EYS: variants seen among roughly 807,000 people sequenced by gnomAD.
EYS encodes EGF-like photoreceptor maintenance factor.
EYS carries 250 observed loss-of-function variants against 282.1 expected under a neutral mutation model. The observed-to-expected ratio is 0.89, with a 90% CI of 0.80 to 0.98. The LOEUF is 0.98. Among genes scored for constraint, EYS ranks in the 50% least tolerant of loss-of-function variants. The pLI is 0.00. For synonymous variants in EYS, 1,355 were observed against 1,282.9 expected, an observed-to-expected ratio of 1.06 and a Z score of -1.20; for missense variants, 4,016 against 3,709.0, an observed-to-expected ratio of 1.08 and a Z score of -2.15.
chr6:65,544,017 T>TGTGTGTGC lies in EYS; in HGVS notation c.-332-48025_-332-48024insGCACACAC, dbSNP rs1416458586. ...AAAAGAGAAAGTGTGTGTGTGTGTGTGTGTGTGTGTGTGAGAGAGAGAGAG... is the reference window on the plus strand; with the variant it reads ...AAAAGAGAAAGTGTGTGTGTGTGTGTGTGTGTGCGTGTGTGTGTGTGAGAGAGAGAGAG... On this transcript the variant is annotated intron_variant, in intron 2 of 42. Transcript: ENST00000503581. Among the ~76,000 whole-genome samples the TGTGTGTGC allele has an allele frequency of 2.6e-4, 35 of 135,686 alleles. No homozygotes were observed. The South Asian group carries it at 7.6e-3, about 29-fold the overall frequency. The allele number at this position is 135,686 out of a possible 152,430, so 89.0% of individuals were successfully genotyped here. A position where few individuals can be genotyped will look rare whatever the true frequency, so the allele number is the denominator to read the frequency against.
At chr6:65,093,362 G>GA (rs1337835353) in intron 12 of EYS, among the ~76,000 whole-genome samples, 17 of 151,938 alleles carry the variant, frequency 1.1e-4, no homozygotes, top group African/African-American at 3.9e-4. Flanking sequence ...TAAATACATA[G>GA]AAAAAACAAG....
intron 12 of EYS, among the ~76,000 whole-genome samples, chr6:65,223,836 T>G (rs963726746): frequency 6.6e-6 from 1 of 152,124 alleles, no homozygotes; most frequent in Non-Finnish European, 1.5e-5. Flanking sequence ...GTGGTACCAG[T>G]TGGTCCACCA....
intron 26 of EYS, among the ~76,000 whole-genome samples, chr6:64,451,496 C>T (rs988157314): frequency 6.6e-6 from 1 of 152,162 alleles, no homozygotes; most frequent in African/African-American, 2.4e-5. Context: ...GGAATCCTCC[C>T]TAACTCATTT....
At chr6:65,134,531 G>T (rs1438625449) in intron 12 of EYS, among the ~76,000 whole-genome samples, 1 of 152,054 alleles carries the variant, frequency 6.6e-6, no homozygotes, top group African/African-American at 2.4e-5. Context: ...TCACTTATAA[G>T]GGGAAGCCAA....
chr6:65,217,427 A>G (rs1250421756), intron 12 of EYS, among the ~76,000 whole-genome samples: 2 of 151,826 alleles, frequency 1.3e-5, no homozygotes, highest in Admixed American at 6.6e-5. Flanking sequence ...ATAAGGTATT[A>G]AACAATGAGA....
At chr6:64,656,999 C>A (rs937571164) in intron 22 of EYS, among the ~76,000 whole-genome samples, 1 of 152,102 alleles carries the variant, frequency 6.6e-6, no homozygotes, top group Non-Finnish European at 1.5e-5. Context: ...AAGTCTCTTT[C>A]TAGGTCTCTA....
At chr6:65,023,556 GAAGA>G (rs1366432799) in intron 13 of EYS, among the ~76,000 whole-genome samples, 1 of 152,178 alleles carries the variant, frequency 6.6e-6, no homozygotes, top group East Asian at 1.9e-4. Flanking sequence ...AAAAATGGGA[GAAGA>G]AAGAGGAAAA....
At chr6:64,871,179 C>A (rs1766584557) in intron 19 of EYS, among the ~76,000 whole-genome samples, 1 of 151,830 alleles carries the variant, frequency 6.6e-6, no homozygotes, top group African/African-American at 2.4e-5. Context: ...ATATAGACAT[C>A]TAATAAATAT....
intron 13 of EYS, among the ~76,000 whole-genome samples, chr6:65,015,542 TCTA>T (rs1235164611): frequency 6.6e-6 from 1 of 152,194 alleles, no homozygotes; most frequent in African/African-American, 2.4e-5. Context: ...CTTAGTTGTA[TCTA>T]AAAATATATA....
chr6:65,571,938 GA>G (rs1764490513), intron 2 of EYS, among the ~76,000 whole-genome samples: 1 of 151,856 alleles, frequency 6.6e-6, no homozygotes, highest in African/African-American at 2.4e-5. Context: ...TGTAAAACTT[GA>G]AAAGATGTAA....
At chr6:65,045,647 T>C (rs1773078957) in intron 13 of EYS, among the ~76,000 whole-genome samples, 1 of 151,850 alleles carries the variant, frequency 6.6e-6, no homozygotes, top group Admixed American at 6.6e-5. Flanking sequence ...CAAAACTGTT[T>C]GTGCCTTGAT....
intron 22 of EYS, among the ~76,000 whole-genome samples, chr6:64,642,974 G>T (rs558878653): frequency 1.3e-5 from 2 of 152,286 alleles, no homozygotes; most frequent in South Asian, 4.1e-4. Flanking sequence ...AATTAGCTGG[G>T]CGTGGTGGCA....
At position 64,822,640 on chromosome 6, in the gene EYS, A is replaced by C; in HGVS notation, c.3164+11T>G. 1 of 1,515,160 alleles carries C rather than the reference A, an allele frequency of 6.6e-7. No individual in the cohort carries two copies. 93.9% of individuals were successfully genotyped at this position (1,515,160 alleles called of 1,614,324 possible). A position where few individuals can be genotyped will look rare whatever the true frequency, so the allele number is the denominator to read the frequency against. On this transcript the variant is annotated intron_variant, in intron 20 of 42. Coordinates refer to ENST00000503581, the MANE Select transcript of EYS (RefSeq NM_001142800.2). The stretch of plus-strand genomic sequence containing the variant: ...TACTTTCATAAAGCTAATAATAAAA[A>C]AAATAGCTACCTTCCATGTAGACAA...
chr6:64,604,979 A>G (rs1218164596), intron 24 of EYS, among the ~76,000 whole-genome samples: 1 of 152,074 alleles, frequency 6.6e-6, no homozygotes, highest in Non-Finnish European at 1.5e-5. Flanking sequence ...TGCCAGAGTT[A>G]TCTTTCAAAA....
At chr6:64,523,871 T>G (rs894639521) in intron 26 of EYS, among the ~76,000 whole-genome samples, 7 of 151,838 alleles carry the variant, frequency 4.6e-5, no homozygotes, top group African/African-American at 1.2e-4. Context: ...AACCATCCAT[T>G]TAAAAAGTTT....
intron 18 of EYS, among the ~76,000 whole-genome samples, chr6:64,894,930 T>C (rs1242272099): frequency 6.6e-6 from 1 of 152,148 alleles, no homozygotes; most frequent in African/African-American, 2.4e-5. Flanking sequence ...TATTTAGTAA[T>C]AGGACAATTT....
At chr6:65,581,463 C>G (rs1285417286) in intron 2 of EYS, among the ~76,000 whole-genome samples, 1 of 151,966 alleles carries the variant, frequency 6.6e-6, no homozygotes, top group African/African-American at 2.4e-5. Flanking sequence ...CTTAGTAGGC[C>G]TCAGGAATGG....
At chr6:64,583,655 C>T (rs775045342) in intron 26 of EYS, among the ~76,000 whole-genome samples, 18 of 152,060 alleles carry the variant, frequency 1.2e-4, no homozygotes, top group South Asian at 6.2e-4. Context: ...ATTAGCCAGG[C>T]GTGGTGACAG....
intron 26 of EYS, among the ~76,000 whole-genome samples, chr6:64,552,435 G>T (rs973429414): frequency 6.6e-6 from 1 of 152,078 alleles, no homozygotes; most frequent in Non-Finnish European, 1.5e-5. Context: ...TTAACAAAGA[G>T]TCTGGCACCT....
Sources: gnomAD v4.1 joint callset for allele counts (sites outside exome capture counted in the v4.1 genomes callset) on GRCh38, gnomAD v4.1.1 for gene constraint, MANE v1.5 for transcripts, NCBI Gene and HGNC (gene_info 2026-07-23, HGNC 2026-07-21) for gene names.